The following MYRFL variants were observed in gnomAD, a reference collection of about 807,000 sequenced individuals.
MYRFL encodes myelin regulatory factor like.
Under a neutral mutation model 109.4 loss-of-function variants are expected in MYRFL, and 88 were observed. The observed-to-expected ratio is 0.80, with a 90% confidence interval of 0.68 to 0.96. MYRFL has a LOEUF of 0.96. Among genes scored for constraint, MYRFL ranks in the 40% least tolerant of loss-of-function variants. MYRFL has a pLI of 0.00. For missense variants in MYRFL, 957 were observed against 954.9 expected, an observed-to-expected ratio of 1.00 and a Z score of -0.03; for synonymous variants, 324 against 320.9, an observed-to-expected ratio of 1.01 and a Z score of -0.10.
chr12:69,888,482 A>G (rs1384121546), intron 6 of MYRFL, among the ~76,000 whole-genome samples: 2 of 152,208 alleles, frequency 1.3e-5, no homozygotes, highest in Non-Finnish European at 2.9e-5. Context: ...TTTCAATGCT[A>G]TCAAAGAACT....
chr12:69,829,254 C>G (rs765687325), intron 1 of MYRFL, among the ~76,000 whole-genome samples: 1 of 152,058 alleles, frequency 6.6e-6, no homozygotes, highest in African/African-American at 2.4e-5. Flanking sequence ...GCCCCTGTCT[C>G]GCTGCTTAAG....
rs1883966819 is a variant in MYRFL at position 69,852,816 on chromosome 12, C to A, written c.47-2464C>A. ...TAACGAGCGTGCTGCCTTCAAGCAT[C>A]TGTTTAACAAAGCACATCTTGCACC... On this transcript the variant is annotated intron_variant, in intron 1 of 24. Coordinates refer to ENST00000552032, the MANE Select transcript of MYRFL (RefSeq NM_182530.3). 1.3e-5 allele frequency among the ~76,000 whole-genome samples: 2 copies of A among 151,954 alleles called. 1 individual carries two copies. Among genetic ancestry groups the A allele is most frequent in the South Asian group, 4.2e-4 (2 of 4,816 alleles).
At chr12:69,833,521 A>C (rs1363885122) in intron 1 of MYRFL, among the ~76,000 whole-genome samples, 3 of 152,220 alleles carry the variant, frequency 2.0e-5, no homozygotes, top group Non-Finnish European at 4.4e-5. Context: ...CATTTAATGA[A>C]TGCTTTACTT....
At chr12:69,923,392 T>G in intron 13 of MYRFL, among the ~76,000 whole-genome samples, 1 of 152,194 alleles carries the variant, frequency 6.6e-6, no homozygotes, top group East Asian at 1.9e-4. Context: ...TTTCCAGTCC[T>G]TTTTAGTTAA....
chr12:69,834,331 G>T (rs1241020133), intron 1 of MYRFL, among the ~76,000 whole-genome samples: 1 of 152,162 alleles, frequency 6.6e-6, no homozygotes, highest in African/African-American at 2.4e-5. Flanking sequence ...TGTCATTCTC[G>T]TAGGGTTAAA....
At chr12:69,868,855 CAT>C (rs1178487998) in intron 2 of MYRFL, among the ~76,000 whole-genome samples, 2 of 152,168 alleles carry the variant, frequency 1.3e-5, no homozygotes, top group Non-Finnish European at 2.9e-5. Flanking sequence ...AGCATGCACA[CAT>C]GTGCACACAC....
intron 10 of MYRFL, among the ~76,000 whole-genome samples, chr12:69,902,200 T>C (rs1461790995): frequency 1.3e-5 from 2 of 152,176 alleles, no homozygotes; most frequent in South Asian, 2.1e-4. Context: ...CTGGCCTCTT[T>C]CACTGCTTCT....
rs1474392336 is a variant in MYRFL at position 69,825,476 on chromosome 12, A to C, written c.-42A>C. The C allele has an allele frequency of 1.4e-6, 1 of 699,222 alleles. No homozygotes were observed. The highest frequency in any genetic ancestry group is 1.5e-5 in the South Asian group (1 of 66,796). The allele number at this position is 699,222 out of a possible 1,614,324, so 43.3% of individuals were successfully genotyped here. A position where few individuals can be genotyped will look rare whatever the true frequency, so the allele number is the denominator to read the frequency against. On this transcript the variant is annotated 5_prime_UTR_variant, in exon 1 of 25. Transcript: ENST00000552032. ...CAGTACTTATTTCCTGAGGTCTGAT[A>C]ACCGTTGTTTTATGAGGAAATAGTA...
chr12:69,958,781 C>T lies in MYRFL; in HGVS notation c.*250C>T, dbSNP rs1355062912. On this transcript the variant is annotated 3_prime_UTR_variant, in exon 25 of 25. Coordinates refer to ENST00000552032, the MANE Select transcript of MYRFL (RefSeq NM_182530.3). Reference sequence around the variant, plus strand: ...TGAAGAAAACATTTCCTGGAGCAAACAGTTCTGTTGAATTTAAAAATACTA... The same window carrying T: ...TGAAGAAAACATTTCCTGGAGCAAATAGTTCTGTTGAATTTAAAAATACTA... 4.8e-6 allele frequency: 2 copies of T among 417,672 alleles called. No homozygotes were observed. The highest frequency in any genetic ancestry group is 8.4e-6 in the Non-Finnish European group (2 of 237,080). 25.9% of individuals were successfully genotyped at this position (417,672 alleles called of 1,614,324 possible).
At chr12:69,942,481 A>T (rs1399776244) in intron 19 of MYRFL, among the ~76,000 whole-genome samples, 1 of 151,544 alleles carries the variant, frequency 6.6e-6, no homozygotes. Context: ...GACAAAATTC[A>T]ACAACTTTTC....
At chr12:69,939,337 G>T (rs1352148741) in intron 19 of MYRFL, among the ~76,000 whole-genome samples, 1 of 152,136 alleles carries the variant, frequency 6.6e-6, no homozygotes, top group African/African-American at 2.4e-5. Context: ...GCACGCAGCT[G>T]GAGATCTGAG....
intron 15 of MYRFL, 81 bp from the exon 16 acceptor site, chr12:69,932,431 CT>C: frequency 1.1e-6 from 1 of 898,516 alleles, no homozygotes; most frequent in South Asian, 1.5e-5. Context: ...GCAAATACCC[CT>C]GCTGGGAGCA....
Position 69,936,599 on chromosome 12 carries a change from G to A in MYRFL, c.2191G>A (p.Glu731Lys). The change falls in exon 19 of 25, where the codon GAG becomes AAG. Residue 731 changes from glutamate (E) to lysine (K), a missense_variant. Physicochemically the swap from Glu to Lys is moderately conservative, Grantham distance 56. Coordinates refer to ENST00000552032, the MANE Select transcript of MYRFL (RefSeq NM_182530.3). ...VSSSPVQRQS[E>K]EKEFHQRRWS... ...TTCAAGTCCTGTGCAAAGACAATCT[G>A]AGGAGAAGGAATTCCATCAGAGGCG... is the stretch of plus-strand genomic sequence containing the variant. 6.5e-7 allele frequency: 1 copy of A among 1,532,892 alleles called. No homozygotes were observed. Among genetic ancestry groups the A allele is most frequent in the Non-Finnish European group, 8.7e-7 (1 of 1,144,664 alleles). 95.0% of individuals were successfully genotyped at this position (1,532,892 alleles called of 1,614,324 possible). A position where few individuals can be genotyped will look rare whatever the true frequency, so the allele number is the denominator to read the frequency against.
At position 69,936,284 on chromosome 12, in the gene MYRFL, A is replaced by G; in HGVS notation, c.1993A>G (p.Asn665Asp). 1 of 1,535,962 alleles carries G rather than the reference A, an allele frequency of 6.5e-7. No individual in the cohort carries two copies. The highest frequency in any genetic ancestry group is 1.4e-5 in the African/African-American group (1 of 73,002). ...AATCATTTCATTCTTTTTCTCCAGC[A>G]ATATCACAAGCTCACAGGAGCCAGC... is the stretch of plus-strand genomic sequence containing the variant. ...DRRVPNLPPS[N>D]ITSSQEPALL... The change falls in exon 18 of 25, where the codon AAT (asparagine) becomes GAT (aspartate). Residue 665 changes from asparagine (N) to aspartate (D), a missense_variant and splice_region_variant. Coordinates refer to ENST00000552032, the MANE Select transcript of MYRFL (RefSeq NM_182530.3).
At chr12:69,914,354 A>G (rs1954667141) in intron 13 of MYRFL, among the ~76,000 whole-genome samples, 1 of 152,158 alleles carries the variant, frequency 6.6e-6, no homozygotes. Flanking sequence ...CTGTCATGAA[A>G]GGAAAGGAGT....
intron 11 of MYRFL, among the ~76,000 whole-genome samples, chr12:69,904,775 T>C (rs1053827686): frequency 5.3e-5 from 8 of 152,184 alleles, no homozygotes; most frequent in African/African-American, 1.7e-4. Flanking sequence ...ATACTACTTC[T>C]CTTGACAGCA....
At chr12:69,915,784 G>A (rs887268228) in intron 13 of MYRFL, among the ~76,000 whole-genome samples, 13 of 151,932 alleles carry the variant, frequency 8.6e-5, no homozygotes, top group African/African-American at 1.5e-4. Flanking sequence ...GCATTAGACC[G>A]GTGGCAGCTT....
chr12:69,882,993 A>T (rs1047486856), intron 5 of MYRFL, among the ~76,000 whole-genome samples: 3 of 152,178 alleles, frequency 2.0e-5, no homozygotes, highest in African/African-American at 7.2e-5. Flanking sequence ...CATCTCTAAG[A>T]CTTTTTAAAG....
intron 1 of MYRFL, among the ~76,000 whole-genome samples, chr12:69,836,494 G>C (rs1369934603): frequency 6.6e-6 from 1 of 152,152 alleles, no homozygotes; most frequent in Non-Finnish European, 1.5e-5. Context: ...AATTCCACAA[G>C]ATAACAGCTA....
Sources: gnomAD v4.1 joint callset for allele counts (sites outside exome capture counted in the v4.1 genomes callset) on GRCh38, gnomAD v4.1.1 for gene constraint, MANE v1.5 for transcripts, NCBI Gene and HGNC (gene_info 2026-07-23, HGNC 2026-07-21) for gene names.